Variants in ZNF266 observed in about 807,000 individuals in gnomAD.
ZNF266 encodes the protein zinc finger protein 266.
Under a neutral mutation model 16.4 loss-of-function variants are expected in ZNF266, and 16 were observed. The observed-to-expected ratio is 0.98, with a 90% CI of 0.66 to 1.48. The LOEUF is 1.48. Ranked by LOEUF, ZNF266 falls within the 40% of genes most tolerant of loss-of-function variation. ZNF266 has a pLI of 0.00. For synonymous variants in ZNF266, 262 were observed against 237.9 expected (o/e 1.10, Z -0.93); for missense variants, 738 against 689.1 (o/e 1.07, Z -0.79).
rs553536649 is a variant in ZNF266, at chr19:9,429,465, A to C, written c.-130+4203T>G. Among the ~76,000 whole-genome samples the C allele has an allele frequency of 5.9e-5, 9 of 152,134 alleles. No individual in the cohort carries two copies. The South Asian group carries it at 1.9e-3, about 32-fold the overall frequency. On this transcript the variant is annotated intron_variant, in intron 5 of 10. Transcript: ENST00000592904. Reference sequence around the variant, plus strand: ...GATGCTTTGTTGGTTTACAACCTAGAGGGCCACATCTACTTCAATGGGTAT... The same window carrying C: ...GATGCTTTGTTGGTTTACAACCTAGCGGGCCACATCTACTTCAATGGGTAT...
In ZNF266 at chr19:9,417,007, C is replaced by T. The variant is rs373586089; in HGVS notation, c.316+821G>A. On this transcript the variant is annotated intron_variant, in intron 9 of 10. Transcript: ENST00000592904. ...CTTTTAAAGAAGAAACCAACGGGTC[C>T]TATCACAGAAAAGAATGAGTAGACA... is the stretch of plus-strand genomic sequence containing the variant. 1.1e-3 allele frequency among the ~76,000 whole-genome samples: 175 copies of T among 152,226 alleles called. 6 individuals carry two copies. In the South Asian group the frequency reaches 0.035, roughly 31 times the overall value.
chr19:9,422,996 C>A (rs546217496), intron 5 of ZNF266, among the ~76,000 whole-genome samples: 1 of 152,306 alleles, frequency 6.6e-6, no homozygotes, highest in East Asian at 1.9e-4. Flanking sequence ...GAATGCCTGC[C>A]GTGATCCACT....
intron 5 of ZNF266, among the ~76,000 whole-genome samples, chr19:9,426,540 GAA>G (rs898371650): frequency 7.2e-6 from 1 of 139,034 alleles, no homozygotes; most frequent in African/African-American, 2.6e-5. Flanking sequence ...ACAAGTTCAA[GAA>G]AAAAAAAAAG....
intron 5 of ZNF266, among the ~76,000 whole-genome samples, chr19:9,425,541 A>G (rs929933993): frequency 1.3e-5 from 2 of 152,228 alleles, no homozygotes; most frequent in African/African-American, 4.8e-5. Context: ...GTGTGGTCAC[A>G]ACCTGAGGGA....
At chr19:9,426,213 A>G (rs1167870301) in intron 5 of ZNF266, among the ~76,000 whole-genome samples, 1 of 152,186 alleles carries the variant, frequency 6.6e-6, no homozygotes, top group Non-Finnish European at 1.5e-5. Context: ...TCAGATGGGA[A>G]GCACAAATGG....
intron 5 of ZNF266, among the ~76,000 whole-genome samples, chr19:9,433,260 C>T (rs1462456562): frequency 6.6e-6 from 1 of 152,046 alleles, no homozygotes; most frequent in Admixed American, 6.6e-5. Flanking sequence ...GCCATGTGGC[C>T]CCTTCACAGC....
At chr19:9,418,460 A>G in intron 8 of ZNF266, 45 bp downstream of exon 8, 2 of 1,605,912 alleles carry the variant, frequency 1.2e-6, no homozygotes, top group East Asian at 2.2e-5. Flanking sequence ...AGTACATAAC[A>G]TAATCTGTTC....
chr19:9,423,580 A>T (rs2070255748), intron 5 of ZNF266, among the ~76,000 whole-genome samples: 1 of 152,214 alleles, frequency 6.6e-6, no homozygotes, highest in Non-Finnish European at 1.5e-5. Context: ...AAACTCAGTT[A>T]TAGGGCCAAA....
intron 5 of ZNF266, among the ~76,000 whole-genome samples, chr19:9,423,532 A>G (rs1337459601): frequency 6.6e-6 from 1 of 152,194 alleles, no homozygotes; most frequent in South Asian, 2.1e-4. Flanking sequence ...ATCACTCAGA[A>G]GCAGTGGATC....
In ZNF266 at chr19:9,413,940, A is replaced by AT; in HGVS notation, c.1185dup (p.Cys396MetfsTer6). On this transcript the variant is annotated frameshift_variant, in exon 11 of 11. Coordinates refer to ENST00000592904, the MANE Select transcript of ZNF266 (RefSeq NM_001370374.1). LOFTEE classifies it low-confidence loss of function (END_TRUNC). The stretch of plus-strand genomic sequence containing the variant: ...GAGGAATTTCTAAAGGATTTTCCAC[A>AT]TATCTTACATTCAAAGGGATCCTTT... 6.2e-7 allele frequency: 1 copy of AT among 1,614,140 alleles called. No homozygotes were observed. The highest frequency in any genetic ancestry group is 8.5e-7 in the Non-Finnish European group (1 of 1,179,982).
chr19:9,417,320 C>T (rs893080655), intron 9 of ZNF266, among the ~76,000 whole-genome samples: 5 of 151,936 alleles, frequency 3.3e-5, no homozygotes, highest in East Asian at 3.9e-4. Flanking sequence ...TGCAGTAAGC[C>T]GAGATCGCAC....
Position 9,414,275 on chromosome 19 carries a change from C to T in ZNF266, c.851G>A (p.Cys284Tyr). Residue 284 changes from cysteine to tyrosine, a missense_variant, in exon 11 of 11, where the codon TGT becomes TAT. Coordinates refer to ENST00000592904, the MANE Select transcript of ZNF266 (RefSeq NM_001370374.1). ...RSEKPYKCKE[C>Y]GKGFRYSAYL... ...TGCAGAATATCTAAATCCTTTTCCA[C>T]ATTCCTTACATTTGTAGGGTTTTTC... 1 of 1,614,156 alleles carries T rather than the reference C, an allele frequency of 6.2e-7. No homozygotes were observed. The highest frequency in any genetic ancestry group is 8.5e-7 in the Non-Finnish European group (1 of 1,180,022).
chr19:9,418,044 T>A, intron 8 of ZNF266, 136 bp from the exon 9 acceptor site: 2 of 879,720 alleles, frequency 2.3e-6, no homozygotes, highest in South Asian at 1.6e-5. Context: ...ATATCGTCTG[T>A]CTGTGCCCCC....
intron 5 of ZNF266, among the ~76,000 whole-genome samples, chr19:9,423,042 T>C (rs927227955): frequency 1.3e-5 from 2 of 152,192 alleles, no homozygotes; most frequent in Non-Finnish European, 2.9e-5. Flanking sequence ...GCTCTAAAGA[T>C]ACCTGTTACT....
intron 5 of ZNF266, among the ~76,000 whole-genome samples, chr19:9,425,530 T>C (rs774248394): frequency 6.6e-6 from 1 of 152,128 alleles, no homozygotes; most frequent in Non-Finnish European, 1.5e-5. Context: ...GTGAACAGGG[T>C]GTGTGGTCAC....
In ZNF266 at chr19:9,413,525, A is replaced by G. The variant is rs775656791; in HGVS notation, c.1601T>C (p.Met534Thr). The G allele has an allele frequency of 1.1e-5, 18 of 1,613,288 alleles. No homozygotes were observed. The South Asian group carries it at 1.9e-4, about 17-fold the overall frequency. Residue 534 changes from methionine (M) to threonine (T), a missense_variant, in exon 11 of 11, where the codon ATG (methionine) becomes ACG (threonine). Physicochemically the swap from Met to Thr is moderately conservative, Grantham distance 81 (BLOSUM62 -1). Transcript: ENST00000592904. ...THSAKKPFTC[M>T]ECGKAFKFPT... ...AAACTTAAAAGCTTTGCCACATTCC[A>G]TACACGTGAATGGTTTTTTGGCGCT...
chr19:9,414,717 C>A lies in ZNF266; in HGVS notation c.409G>T (p.Gly137Ter). 1 of 1,557,526 alleles carries A rather than the reference C, an allele frequency of 6.4e-7. No individual in the cohort carries two copies. Among genetic ancestry groups the A allele is most frequent in the South Asian group, 1.2e-5 (1 of 83,852 alleles). The change falls in exon 11 of 11, where the codon GGA becomes TGA. Residue 137 changes from glycine (G) to a stop codon, truncating the protein, a stop_gained. Coordinates refer to ENST00000592904, the MANE Select transcript of ZNF266 (RefSeq NM_001370374.1). LOFTEE classifies it low-confidence loss of function (END_TRUNC). ...EPTSSGIQMIGSHNGGEVSDV... is the reference protein window; with the variant it reads ...EPTSSGIQMI ...CTGACCTCCCCTCCGTTGTGGCTTC[C>A]TATCTGTTGATAAAGGAATGAATGA...
intron 5 of ZNF266, among the ~76,000 whole-genome samples, chr19:9,423,335 G>A (rs778984276): frequency 3.9e-5 from 6 of 152,144 alleles, no homozygotes; most frequent in Admixed American, 6.5e-5. Flanking sequence ...CTCACGTTCC[G>A]GTGTGGATCT....
intron 5 of ZNF266, among the ~76,000 whole-genome samples, chr19:9,427,991 A>AG (rs2071018524): frequency 2.0e-5 from 3 of 151,272 alleles, no homozygotes; most frequent in Admixed American, 2.0e-4. Context: ...ACGGGGGGAA[A>AG]AATCAACTTC....
Sources: gnomAD v4.1 joint callset for allele counts (sites outside exome capture counted in the v4.1 genomes callset) on GRCh38, gnomAD v4.1.1 for gene constraint, MANE v1.5 for transcripts, NCBI Gene and HGNC (gene_info 2026-07-23, HGNC 2026-07-21) for gene names.